UNC5B: variants seen among roughly 807,000 people sequenced by gnomAD.
UNC5B encodes the protein netrin receptor UNC5B.
In UNC5B, 56 loss-of-function variants were observed where a neutral mutation model predicts 103.7. The observed-to-expected ratio is 0.54, with a 90% CI of 0.44 to 0.67. The LOEUF is 0.67. Ranked by LOEUF, UNC5B falls within the 30% of genes least tolerant of loss-of-function variation. The pLI, the probability that UNC5B is intolerant of heterozygous loss-of-function variation, is 0.00. For synonymous variants in UNC5B, 577 were observed against 542.0 expected, an observed-to-expected ratio of 1.06 and a Z score of -0.90; for missense variants, 1,194 against 1,284.5, an observed-to-expected ratio of 0.93 and a Z score of 1.08.
intron 1 of UNC5B, among the ~76,000 whole-genome samples, chr10:71,276,747 A>G (rs1844781467): frequency 1.3e-5 from 2 of 152,116 alleles, no homozygotes; most frequent in African/African-American, 4.8e-5. Context: ...TCCCTTACTG[A>G]AGTTGCATTC....
chr10:71,298,980 T>C, intron 16 of UNC5B, 132 bp from the exon 17 acceptor site: 1 of 1,190,598 alleles, frequency 8.4e-7, no homozygotes, highest in Non-Finnish European at 1.2e-6. Flanking sequence ...GCACAGTAGC[T>C]GCAATTCAGA....
intron 1 of UNC5B, among the ~76,000 whole-genome samples, chr10:71,248,404 C>T (rs77551999): frequency 6.8e-6 from 1 of 147,326 alleles, no homozygotes; most frequent in African/African-American, 2.5e-5. Flanking sequence ...TAGCGGGAGG[C>T]AGGGAGAAGG....
At chr10:71,263,232 G>A (rs1001879942) in intron 1 of UNC5B, among the ~76,000 whole-genome samples, 7 of 152,220 alleles carry the variant, frequency 4.6e-5, no homozygotes, top group Admixed American at 3.3e-4. Flanking sequence ...TTGGTGCTCA[G>A]GCCCAGCTCT....
At chr10:71,255,397 C>T (rs1235265142) in intron 1 of UNC5B, among the ~76,000 whole-genome samples, 1 of 152,226 alleles carries the variant, frequency 6.6e-6, no homozygotes, top group Non-Finnish European at 1.5e-5. Context: ...AGCAGTTGTT[C>T]ATGGGCCCAC....
intron 2 of UNC5B, among the ~76,000 whole-genome samples, chr10:71,281,284 T>C (rs959233977): frequency 2.0e-5 from 3 of 152,210 alleles, no homozygotes; most frequent in African/African-American, 7.2e-5. Context: ...TTAAACATAA[T>C]TTTAAACAAT....
chr10:71,226,295 A>C (rs967368146), intron 1 of UNC5B, among the ~76,000 whole-genome samples: 7 of 152,110 alleles, frequency 4.6e-5, no homozygotes, highest in Non-Finnish European at 7.4e-5. Flanking sequence ...GGCTGGTCTC[A>C]AACTCCTGAC....
intron 2 of UNC5B, among the ~76,000 whole-genome samples, chr10:71,282,454 G>A (rs371626950): frequency 6.6e-6 from 1 of 152,146 alleles, no homozygotes; most frequent in East Asian, 1.9e-4. Context: ...GAGGTGTCAC[G>A]CCTCCTCCCT....
intron 1 of UNC5B, among the ~76,000 whole-genome samples, chr10:71,251,952 T>G (rs76728621): frequency 0.067 from 10,174 of 152,288 alleles, 466 homozygotes; most frequent in Non-Finnish European, 0.095. Flanking sequence ...GTACCAGGTG[T>G]GACATCTTTG....
At chr10:71,253,784 G>A (rs1844229579) in intron 1 of UNC5B, among the ~76,000 whole-genome samples, 1 of 152,158 alleles carries the variant, frequency 6.6e-6, no homozygotes, top group Admixed American at 6.5e-5. Context: ...GGTGGACACT[G>A]TACCCCTGGT....
At chr10:71,225,129 G>T (rs533180536) in intron 1 of UNC5B, among the ~76,000 whole-genome samples, 1 of 152,224 alleles carries the variant, frequency 6.6e-6, no homozygotes, top group Non-Finnish European at 1.5e-5. Context: ...ATCTGTCTCT[G>T]TGTGATACGC....
intron 1 of UNC5B, chr10:71,217,740 C>T (rs1843363242): frequency 1.3e-5 from 2 of 152,124 alleles, no homozygotes; most frequent in Admixed American, 6.6e-5. Flanking sequence ...TCCAAAAGCG[C>T]TGGGCTGCTG....
chr10:71,302,784 A>C lies in UNC5B; in HGVS notation c.*3507A>C, dbSNP rs1435605675. 6.6e-6 allele frequency: 1 copy of C among 152,186 alleles called. No homozygotes were observed. The highest frequency in any genetic ancestry group is 1.5e-5 in the Non-Finnish European group (1 of 68,024). 9.4% of individuals were successfully genotyped at this position (152,186 alleles called of 1,614,324 possible). A position where few individuals can be genotyped will look rare whatever the true frequency, so the allele number is the denominator to read the frequency against. ...CACCTCTGTTTATTCTGTAAACTGC[A>C]ACCTATAAATAACCTTTAGCATTCC... is the stretch of plus-strand genomic sequence containing the variant. On this transcript the variant is annotated 3_prime_UTR_variant, in exon 17 of 17. Coordinates refer to ENST00000335350, the MANE Select transcript of UNC5B (RefSeq NM_170744.5).
At chr10:71,221,331 C>A (rs917513096) in intron 1 of UNC5B, among the ~76,000 whole-genome samples, 12 of 152,234 alleles carry the variant, frequency 7.9e-5, no homozygotes, top group African/African-American at 1.7e-4. Flanking sequence ...TGGTCCCCCC[C>A]CTTGTCACCC....
chr10:71,238,121 C>T (rs1041902130), intron 1 of UNC5B, among the ~76,000 whole-genome samples: 1 of 152,160 alleles, frequency 6.6e-6, no homozygotes, highest in Non-Finnish European at 1.5e-5. Flanking sequence ...GGAGTGTGAT[C>T]ATTAAAAACT....
intron 1 of UNC5B, among the ~76,000 whole-genome samples, chr10:71,214,266 A>T (rs1843290222): frequency 6.6e-6 from 1 of 151,620 alleles, no homozygotes; most frequent in African/African-American, 2.4e-5. Context: ...CCCCCTCCAT[A>T]GCCAAAGATT....
chr10:71,221,391 C>T (rs767519702), intron 1 of UNC5B, among the ~76,000 whole-genome samples: 13 of 152,188 alleles, frequency 8.5e-5, no homozygotes, highest in Non-Finnish European at 1.5e-4. Context: ...ACAGACTTTG[C>T]AGGCCTGGCC....
intron 1 of UNC5B, among the ~76,000 whole-genome samples, chr10:71,216,694 G>T (rs1296035888): frequency 6.6e-6 from 1 of 152,224 alleles, no homozygotes; most frequent in East Asian, 1.9e-4. Context: ...TGGACCGCAG[G>T]TCTAGTGACC....
At chr10:71,218,787 TC>T (rs1452739697) in intron 1 of UNC5B, among the ~76,000 whole-genome samples, 1 of 152,126 alleles carries the variant, frequency 6.6e-6, no homozygotes, top group Non-Finnish European at 1.5e-5. Flanking sequence ...TCAGCCTGTC[TC>T]CCCCAAAGGG....
intron 6 of UNC5B, 67 bp from the exon 7 acceptor site, chr10:71,288,501 C>T (rs1362050843): frequency 1.3e-6 from 2 of 1,556,014 alleles, no homozygotes; most frequent in South Asian, 1.2e-5. Flanking sequence ...TTGCTCTGTT[C>T]TGCACACATA....
Sources: allele counts gnomAD v4.1 joint callset (sites outside exome capture counted in the v4.1 genomes callset), GRCh38; gene constraint gnomAD v4.1.1; transcripts MANE v1.5; gene names NCBI Gene and HGNC (gene_info 2026-07-23, HGNC 2026-07-21).